The following ZBTB10 variants were observed in gnomAD, a reference collection of about 807,000 sequenced individuals.
ZBTB10 encodes zinc finger and BTB domain containing 10, also known as zinc finger and BTB domain-containing protein 10.
ZBTB10 carries 32 observed loss-of-function variants against 76.4 expected under a neutral mutation model. That is an observed-to-expected ratio of 0.42 (90% CI 0.32 to 0.56). The LOEUF (loss-of-function observed/expected upper bound fraction) is 0.56. Among genes scored for constraint, ZBTB10 ranks in the 20% least tolerant of loss-of-function variants. The probability of loss-of-function intolerance (pLI) is 0.14; values close to 1 mark genes in which losing one functional copy is unlikely to be tolerated. For missense variants in ZBTB10, 1,057 were observed against 1,098.5 expected, an observed-to-expected ratio of 0.96 and a Z score of 0.53; for synonymous variants, 523 against 432.9, an observed-to-expected ratio of 1.21 and a Z score of -2.58.
chr8:80,513,556 T>TA (rs1198194006), intron 2 of ZBTB10, among the ~76,000 whole-genome samples: 3 of 152,218 alleles, frequency 2.0e-5, no homozygotes, highest in Non-Finnish European at 4.4e-5. Context: ...GAGCGTCAAG[T>TA]ACCATAATTG....
rs191716499 is a variant in ZBTB10 at position 80,499,400 on chromosome 8, C to T, written c.973-94C>T. 2.6e-4 allele frequency: 331 copies of T among 1,292,948 alleles called. 4 individuals carry two copies. In the East Asian group the frequency reaches 3.0e-3, roughly 12 times the overall value. The allele number at this position is 1,292,948 out of a possible 1,614,324, so 80.1% of individuals were successfully genotyped here. On this transcript the variant is annotated intron_variant, in intron 1 of 5. Coordinates refer to ENST00000455036, the MANE Select transcript of ZBTB10 (RefSeq NM_001105539.3). ...CTCACAAATTAATATATTTGATTAT[C>T]GCTTTTTAAAAACTTGATAATTGTT...
In ZBTB10 at chr8:80,493,723, G is replaced by A. The variant is rs113685300; in HGVS notation, c.973-5771G>A. ...CGCATGCCTGTAATCCCAGCTACTC[G>A]GGAGGCTGAGGCAGGAGAATCGCTT... is the stretch of plus-strand genomic sequence containing the variant. On this transcript the variant is annotated intron_variant, in intron 1 of 5. Coordinates refer to ENST00000455036, the MANE Select transcript of ZBTB10 (RefSeq NM_001105539.3). Among the ~76,000 whole-genome samples, 857 of 151,892 alleles carry A rather than the reference G, an allele frequency of 5.6e-3. 8 individuals carry two copies. Among genetic ancestry groups the A allele is most frequent in the African/African-American group, 0.018 (760 of 41,408 alleles).
chr8:80,488,640 T>C (rs1402733506), intron 1 of ZBTB10, among the ~76,000 whole-genome samples: 1 of 152,238 alleles, frequency 6.6e-6, no homozygotes, highest in Non-Finnish European at 1.5e-5. Flanking sequence ...ACAAGTAAGC[T>C]GTATTTTAGT....
In ZBTB10 at chr8:80,487,477, G is replaced by A. The variant is rs772730405; in HGVS notation, c.667G>A (p.Val223Met). ...DGGDEVEGSG[V>M]GAGEGETVQH... ...CGGGGACGAAGTGGAGGGCAGCGGT[G>A]TGGGAGCTGGCGAAGGAGAGACTGT... The change falls in exon 1 of 6, where the codon GTG becomes ATG. Residue 223 changes from valine to methionine, a missense_variant. Around this residue, in one of 5 missense-constraint regions of ZBTB10, gnomAD observed 556 missense variants for 451.7 expected, o/e 1.23. Coordinates refer to ENST00000455036, the MANE Select transcript of ZBTB10 (RefSeq NM_001105539.3). 6 of 1,552,450 alleles carry A rather than the reference G, an allele frequency of 3.9e-6. No individual in the cohort carries two copies. In the South Asian group the frequency reaches 7.1e-5, roughly 18 times the overall value.
At chr8:80,501,570 A>G (rs953735971) in intron 2 of ZBTB10, among the ~76,000 whole-genome samples, 2 of 152,074 alleles carry the variant, frequency 1.3e-5, no homozygotes, top group Non-Finnish European at 2.9e-5. Context: ...TAAAGGAATC[A>G]CTGTTTTTAG....
At chr8:80,490,144 C>T (rs982828690) in intron 1 of ZBTB10, among the ~76,000 whole-genome samples, 2 of 152,220 alleles carry the variant, frequency 1.3e-5, no homozygotes, top group African/African-American at 4.8e-5. Flanking sequence ...GGACTTTGCT[C>T]TTAAATCTCT....
At chr8:80,490,103 A>G (rs1422246809) in intron 1 of ZBTB10, among the ~76,000 whole-genome samples, 1 of 152,198 alleles carries the variant, frequency 6.6e-6, no homozygotes, top group East Asian at 1.9e-4. Flanking sequence ...ACAACACGTA[A>G]TGTAAGCGCC....
chr8:80,514,000 GTGA>G lies in ZBTB10; in HGVS notation c.1955_1957del (p.Asp652del), dbSNP rs751244467. 1.2e-6 allele frequency: 2 copies of G among 1,613,192 alleles called. No homozygotes were observed. The highest frequency in any genetic ancestry group is 1.7e-6 in the Non-Finnish European group (2 of 1,179,456). On this transcript the variant is annotated inframe_deletion, in exon 3 of 6. Coordinates refer to ENST00000455036, the MANE Select transcript of ZBTB10 (RefSeq NM_001105539.3). The stretch of plus-strand genomic sequence containing the variant: ...GAAGCTGGCACTAGTCAAGATGGAG[GTGA>G]TGCTGGTAGGTACAGTAAGATTTTA...
chr8:80,517,104 G>A (rs1319402049), intron 3 of ZBTB10, among the ~76,000 whole-genome samples: 1 of 152,180 alleles, frequency 6.6e-6, no homozygotes, highest in Non-Finnish European at 1.5e-5. Flanking sequence ...AAGCTTTGGA[G>A]GATATTGAAA....
Position 80,519,537 on chromosome 8 carries a change from C to G in ZBTB10, c.*9C>G, listed in dbSNP as rs1816408329. ...TGTCTCTAGATGATTAACTGACCTA[C>G]TATACTCCTCAAGGATGCTGCATTT... On this transcript the variant is annotated 3_prime_UTR_variant, in exon 6 of 6. Transcript: ENST00000455036. 1 of 1,599,986 alleles carries G rather than the reference C, an allele frequency of 6.3e-7. No individual in the cohort carries two copies. Among genetic ancestry groups the G allele is most frequent in the African/African-American group, 1.3e-5 (1 of 74,712 alleles).
chr8:80,490,342 T>G (rs1261281066), intron 1 of ZBTB10, among the ~76,000 whole-genome samples: 1 of 152,084 alleles, frequency 6.6e-6, no homozygotes, highest in Non-Finnish European at 1.5e-5. Context: ...TGCAGCCTCC[T>G]GGGCTCAGGC....
rs1264033085 is a variant in ZBTB10 at position 80,525,761 on chromosome 8, C to T, written c.*6233C>T. ...AAGTTAGAAGATTCCAGAGTACACT[C>T]AAATAGTATTTGGCACATAGCTTGT... is the stretch of plus-strand genomic sequence containing the variant. On this transcript the variant is annotated 3_prime_UTR_variant, in exon 6 of 6. Transcript: ENST00000455036. 5 of 152,134 alleles carry T rather than the reference C, an allele frequency of 3.3e-5. No homozygotes were observed. The highest frequency in any genetic ancestry group is 1.2e-4 in the African/African-American group (5 of 41,434). 9.4% of individuals were successfully genotyped at this position (152,134 alleles called of 1,614,324 possible). A position where few individuals can be genotyped will look rare whatever the true frequency, so the allele number is the denominator to read the frequency against.
intron 2 of ZBTB10, among the ~76,000 whole-genome samples, chr8:80,508,952 G>T (rs950999789): frequency 1.3e-5 from 2 of 152,144 alleles, no homozygotes. Flanking sequence ...TGGAGGTGGG[G>T]CATGTACTGG....
chr8:80,503,099 GAATTTAA>G (rs1396174564), intron 2 of ZBTB10, among the ~76,000 whole-genome samples: 4 of 152,180 alleles, frequency 2.6e-5, no homozygotes, highest in Non-Finnish European at 5.9e-5. Context: ...CAAACATAAT[GAATTTAA>G]AATTTAAAAA....
intron 1 of ZBTB10, among the ~76,000 whole-genome samples, chr8:80,497,328 T>G (rs1230158910): frequency 6.6e-6 from 1 of 152,166 alleles, no homozygotes; most frequent in Non-Finnish European, 1.5e-5. Context: ...CTTTCTCCAG[T>G]TCCCCAAAAA....
At position 80,509,788 on chromosome 8, in the gene ZBTB10, A is replaced by AT. The variant is rs200178606; in HGVS notation, c.1862-4113dup. Among the ~76,000 whole-genome samples, 1,334 of 150,884 alleles carry AT rather than the reference A, an allele frequency of 8.8e-3. 13 individuals are homozygous for AT. Among genetic ancestry groups the AT allele is most frequent in the African/African-American group, 0.02 (830 of 41,156 alleles). On this transcript the variant is annotated intron_variant, in intron 2 of 5. Transcript: ENST00000455036. ...TTCAAAAATCTATGGTAATATTTTC[A>AT]TTTTTTTTTAGGAGATAGGGTCTTG...
At chr8:80,502,510 A>G (rs1217251222) in intron 2 of ZBTB10, among the ~76,000 whole-genome samples, 2 of 152,162 alleles carry the variant, frequency 1.3e-5, no homozygotes, top group Non-Finnish European at 2.9e-5. Context: ...TTGGGATTAC[A>G]TGGGTGAGCC....
chr8:80,518,722 T>G, intron 4 of ZBTB10, 60 bp from the exon 5 acceptor site: 1 of 1,514,324 alleles, frequency 6.6e-7, no homozygotes. Flanking sequence ...TAAGAAGTTT[T>G]GATAGCAAGT....
At chr8:80,515,939 T>C (rs1816315853) in intron 3 of ZBTB10, among the ~76,000 whole-genome samples, 1 of 152,192 alleles carries the variant, frequency 6.6e-6, no homozygotes, top group African/African-American at 2.4e-5. Flanking sequence ...GTATTCTCTG[T>C]TATAAGAATT....
Sources: allele counts gnomAD v4.1 joint callset (sites outside exome capture counted in the v4.1 genomes callset), GRCh38; gene constraint gnomAD v4.1.1; regional missense constraint gnomAD v4.1.1; transcripts MANE v1.5; gene names NCBI Gene and HGNC (gene_info 2026-07-23, HGNC 2026-07-21).